Variants in WDR74 observed in about 807,000 individuals in gnomAD.
The protein encoded by WDR74 is WD repeat domain 74, also known as WD repeat-containing protein 74.
A neutral mutation model predicts 45.6 loss-of-function variants in WDR74; 31 were observed. That is an observed-to-expected ratio of 0.68 (90% CI 0.51 to 0.92). The LOEUF (loss-of-function observed/expected upper bound fraction) is 0.92, where lower values mean the gene tolerates loss of function less well. Ranked by LOEUF, WDR74 falls within the 40% of genes least tolerant of loss-of-function variation. The pLI is 0.00. For synonymous variants in WDR74, 191 were observed against 192.4 expected, an observed-to-expected ratio of 0.99 and a Z score of 0.06; for missense variants, 455 against 497.2, an observed-to-expected ratio of 0.92 and a Z score of 0.81.
chr11:62,835,935 C>T (rs1298135284), intron 4 of WDR74, 26 bp downstream of exon 4: 2 of 1,586,490 alleles, frequency 1.3e-6, no homozygotes, highest in South Asian at 1.1e-5. Flanking sequence ...CCACCTCCCC[C>T]AACCATCAGG....
chr11:62,835,974 GTGTCCT>G lies in WDR74; in HGVS notation c.350_355del (p.Lys117_Asp118del), dbSNP rs755631894. 6.3e-7 allele frequency: 1 copy of G among 1,595,684 alleles called. No homozygotes were observed. The highest frequency in any genetic ancestry group is 1.1e-5 in the South Asian group (1 of 87,896). On this transcript the variant is annotated inframe_deletion, in exon 4 of 11. Transcript: ENST00000278856. Reference sequence around the variant, plus strand: ...GGGGAGCCTCACTGGGTCAGAGGATGTGTCCTTGTCCTTGTCATGCCAGACTCTGAG... The same window carrying G: ...GGGGAGCCTCACTGGGTCAGAGGATGTGTCCTTGTCATGCCAGACTCTGAG...
intron 10 of WDR74, 75 bp downstream of exon 10, chr11:62,833,543 C>T: frequency 2.0e-6 from 3 of 1,510,906 alleles, no homozygotes; most frequent in Non-Finnish European, 2.7e-6. Context: ...ATTCCAGCTG[C>T]CTCCTTTTCC....
intron 10 of WDR74, 84 bp from the exon 11 acceptor site, chr11:62,833,215 A>G (rs1159388149): frequency 2.1e-6 from 3 of 1,421,820 alleles, no homozygotes; most frequent in Non-Finnish European, 2.9e-6. Context: ...TGGGAGACCA[A>G]GGCAGGAGGA....
chr11:62,839,689 G>T (rs187111117), upstream of WDR74: 1,085 of 1,236,584 alleles, frequency 8.8e-4, 3 homozygotes, highest in Non-Finnish European at 1.1e-3. Context: ...AAACAGTAAA[G>T]CTTCCATGCT....
Position 62,833,805 on chromosome 11 carries a change from C to T in WDR74, c.908G>A (p.Gly303Asp). 1 of 1,613,840 alleles carries T rather than the reference C, an allele frequency of 6.2e-7. No homozygotes were observed. Among genetic ancestry groups the T allele is most frequent in the Non-Finnish European group, 8.5e-7 (1 of 1,179,830 alleles). ...LRIHRIQNPR[G>D]LEHKVYLKSQ... ...GAGACAACTTACCTTATGCTCCAGA[C>T]CCCGTGGATTCTGGATCCTGTGTAT... The change falls in exon 9 of 11, where the codon GGT (glycine) becomes GAT (aspartate). Residue 303 changes from glycine (G) to aspartate (D), a missense_variant. Gly to Asp is a moderately conservative substitution (Grantham distance 94). Coordinates refer to ENST00000278856, the MANE Select transcript of WDR74 (RefSeq NM_001369450.1).
upstream of WDR74, among the ~76,000 whole-genome samples, chr11:62,841,398 G>T (rs150918936): frequency 2.6e-5 from 4 of 151,668 alleles, no homozygotes; most frequent in African/African-American, 9.7e-5. Context: ...CTACCCCAGA[G>T]GCTGAAGTAT....
In WDR74 at chr11:62,839,550, G is replaced by C. The variant is rs114810174; in HGVS notation, c.21C>G (p.Arg7=). ...CGGTGCCGACCCACACATGGTTCCA[G>C]CGTGCAGCAGCAGCCGCCATGACAA... MAAAAA[R]WNHVWVGTET... The change falls in exon 1 of 11, where the codon CGC becomes CGG. Residue 7 remains arginine, a synonymous_variant. Coordinates refer to ENST00000278856, the MANE Select transcript of WDR74 (RefSeq NM_001369450.1). The C allele has an allele frequency of 1.8e-3, 2,835 of 1,612,104 alleles. 50 individuals carry two copies. The African/African-American group carries it at 0.034, about 19-fold the overall frequency.
chr11:62,840,703 GCT>G (rs1216960595), upstream of WDR74, among the ~76,000 whole-genome samples: 3 of 152,158 alleles, frequency 2.0e-5, no homozygotes, highest in Non-Finnish European at 4.4e-5. Context: ...ATGGAATCTT[GCT>G]CTGTCTCTCA....
upstream of WDR74, chr11:62,839,666 G>A: frequency 7.0e-7 from 1 of 1,437,812 alleles, no homozygotes; most frequent in Non-Finnish European, 9.3e-7. Context: ...GTTGCTGGAA[G>A]TTTGAAGAGC....
upstream of WDR74, chr11:62,841,610 TCC>T (rs1408139485): frequency 7.2e-5 from 11 of 152,170 alleles, no homozygotes; most frequent in Non-Finnish European, 1.2e-4. Context: ...GGTTGTTCTC[TCC>T]CCGAAGGGAG....
At chr11:62,838,451 A>G (rs1344978497) in intron 3 of WDR74, among the ~76,000 whole-genome samples, 1 of 151,134 alleles carries the variant, frequency 6.6e-6, no homozygotes, top group Admixed American at 6.6e-5. Flanking sequence ...CACCACACCC[A>G]GCCTTGCTTA....
intron 3 of WDR74, 111 bp downstream of exon 3, chr11:62,839,003 C>A: frequency 6.8e-7 from 1 of 1,476,678 alleles, no homozygotes; most frequent in Non-Finnish European, 9.1e-7. Context: ...TCCCTGTCAC[C>A]CATTCAAAGC....
Position 62,839,491 on chromosome 11 carries a change from C to T in WDR74, c.64+16G>A, listed in dbSNP as rs2085014357. On this transcript the variant is annotated intron_variant, in intron 1 of 10. Transcript: ENST00000278856. The stretch of plus-strand genomic sequence containing the variant: ...GTGCACCCCTGCACTTCCCGACGCC[C>T]GAGCCTGCCACCCACCTTTCAAGAT... 1 of 1,613,510 alleles carries T rather than the reference C, an allele frequency of 6.2e-7. No homozygotes were observed. Among genetic ancestry groups the T allele is most frequent in the African/African-American group, 1.3e-5 (1 of 74,908 alleles).
chr11:62,839,521 G>C lies in WDR74; in HGVS notation c.50C>G (p.Thr17Ser). Residue 17 changes from threonine (T) to serine (S), a missense_variant, in exon 1 of 11, where the codon ACT becomes AGT. Transcript: ENST00000278856. ...RWNHVWVGTE[T>S]GILKGVNLQR... is the part of the protein sequence containing the mutation. ...CTGCCACCCACCTTTCAAGATCCCA[G>C]TCTCGGTGCCGACCCACACATGGTT... 2 of 1,613,670 alleles carry C rather than the reference G, an allele frequency of 1.2e-6. No individual in the cohort carries two copies. The highest frequency in any genetic ancestry group is 1.7e-6 in the Non-Finnish European group (2 of 1,179,882).
At chr11:62,841,359 G>A (rs993627222), upstream of WDR74, among the ~76,000 whole-genome samples, 8 of 152,094 alleles carry the variant, frequency 5.3e-5, no homozygotes, top group African/African-American at 1.4e-4. Flanking sequence ...CATTAGCCGG[G>A]GGTGGTGGCA....
At chr11:62,841,441 G>A (rs557008742), upstream of WDR74, 3 of 152,158 alleles carry the variant, frequency 2.0e-5, no homozygotes, top group Non-Finnish European at 2.9e-5. Context: ...GAGATACTAC[G>A]CTCCGTGCTC....
chr11:62,841,127 G>A (rs1018175850), upstream of WDR74, among the ~76,000 whole-genome samples: 2 of 152,158 alleles, frequency 1.3e-5, no homozygotes, highest in Non-Finnish European at 2.9e-5. Flanking sequence ...GACCACCCTG[G>A]CCAACATGGT....
upstream of WDR74, chr11:62,841,675 G>C (rs537029979): frequency 5.3e-5 from 8 of 152,152 alleles, no homozygotes; most frequent in Non-Finnish European, 1.0e-4. Context: ...TGGAGTGGAC[G>C]GAGCAAGCTC....
At chr11:62,837,193 G>A (rs1054446234) in intron 3 of WDR74, among the ~76,000 whole-genome samples, 1 of 151,954 alleles carries the variant, frequency 6.6e-6, no homozygotes, top group African/African-American at 2.4e-5. Flanking sequence ...TGTTCATCTT[G>A]TATTAAAATG....
Sources: gnomAD v4.1 joint callset for allele counts (sites outside exome capture counted in the v4.1 genomes callset) on GRCh38, gnomAD v4.1.1 for gene constraint, MANE v1.5 for transcripts, NCBI Gene and HGNC (gene_info 2026-07-23, HGNC 2026-07-21) for gene names.